GPC6: variants seen among roughly 807,000 people sequenced by gnomAD.
GPC6 encodes the protein glypican 6.
GPC6 carries 14 observed loss-of-function variants against 55.2 expected under a neutral mutation model. That is an observed-to-expected ratio of 0.25 (90% CI 0.17 to 0.40). The LOEUF (loss-of-function observed/expected upper bound fraction) is 0.40, where lower values mean the gene tolerates loss of function less well. Ranked by LOEUF, GPC6 falls within the 10% of genes least tolerant of loss-of-function variation. The pLI, the probability that GPC6 is intolerant of heterozygous loss-of-function variation, is 1.00. For synonymous variants in GPC6, 278 were observed against 259.6 expected (o/e 1.07, Z -0.68); for missense variants, 641 against 708.5 (o/e 0.90, Z 1.08).
chr13:93,459,059 T>TTTA (rs1275127108), intron 1 of GPC6, among the ~76,000 whole-genome samples: 1 of 152,176 alleles, frequency 6.6e-6, no homozygotes, highest in African/African-American at 2.4e-5. Flanking sequence ...ATATTTGTAT[T>TTTA]TTATTATTAT....
intron 3 of GPC6, among the ~76,000 whole-genome samples, chr13:93,853,422 G>A (rs893104028): frequency 5.9e-5 from 9 of 151,638 alleles, no homozygotes; most frequent in African/African-American, 1.7e-4. Flanking sequence ...AGAGGTTAAA[G>A]TGTAGAACTG....
rs116252094 is a variant in GPC6, at chr13:93,711,404, G to C, written c.320-118750G>C. Reference sequence around the variant, plus strand: ...CAGCACAGCAAGAACCCGCCCCCAAGATTGAATGACCTCCTACTGCCCTCC... The same window carrying C: ...CAGCACAGCAAGAACCCGCCCCCAACATTGAATGACCTCCTACTGCCCTCC... On this transcript the variant is annotated intron_variant, in intron 2 of 8. Coordinates refer to ENST00000377047, the MANE Select transcript of GPC6 (RefSeq NM_005708.5). Among the ~76,000 whole-genome samples the C allele has an allele frequency of 4.1e-3, 627 of 151,762 alleles. 3 individuals carry two copies. Among genetic ancestry groups the C allele is most frequent in the African/African-American group, 0.015 (602 of 41,474 alleles).
At chr13:94,111,509 AAT>A (rs1886248530) in intron 4 of GPC6, among the ~76,000 whole-genome samples, 1 of 125,482 alleles carries the variant, frequency 8.0e-6, no homozygotes, top group East Asian at 2.4e-4. Flanking sequence ...TAATAATAAT[AAT>A]AAACTTCTTA....
At chr13:93,905,793 C>A (rs746129110) in intron 3 of GPC6, among the ~76,000 whole-genome samples, 2 of 151,914 alleles carry the variant, frequency 1.3e-5, no homozygotes, top group Non-Finnish European at 2.9e-5. Flanking sequence ...CATGTTTGGT[C>A]AAGATTGACA....
At chr13:94,227,725 A>G (rs1890601713) in intron 4 of GPC6, among the ~76,000 whole-genome samples, 1 of 152,068 alleles carries the variant, frequency 6.6e-6, no homozygotes, top group South Asian at 2.1e-4. Flanking sequence ...ACAAAGGTTT[A>G]TTTCTCACTC....
intron 2 of GPC6, among the ~76,000 whole-genome samples, chr13:93,677,960 T>G (rs912268656): frequency 4.6e-5 from 7 of 152,172 alleles, no homozygotes; most frequent in Non-Finnish European, 8.8e-5. Flanking sequence ...TTTATCCACA[T>G]GGATTAAAAA....
chr13:93,823,602 T>C (rs1276436888), intron 2 of GPC6, among the ~76,000 whole-genome samples: 1 of 152,212 alleles, frequency 6.6e-6, no homozygotes, highest in African/African-American at 2.4e-5. Flanking sequence ...AATCCACTTT[T>C]GTCTCCAGTT....
chr13:93,328,285 G>A (rs1313701867), intron 1 of GPC6, among the ~76,000 whole-genome samples: 2 of 152,094 alleles, frequency 1.3e-5, no homozygotes, highest in Non-Finnish European at 2.9e-5. Flanking sequence ...GAATATATGT[G>A]TATGTGTGTG....
intron 3 of GPC6, among the ~76,000 whole-genome samples, chr13:93,966,211 A>C (rs1313034081): frequency 6.6e-6 from 1 of 152,176 alleles, no homozygotes; most frequent in African/African-American, 2.4e-5. Flanking sequence ...CAGGCAGGCA[A>C]ACCTGCTTAC....
In GPC6 at chr13:93,327,425, C is replaced by T. The variant is rs868559241; in HGVS notation, c.160+99809C>T. 2.0e-4 allele frequency among the ~76,000 whole-genome samples: 30 copies of T among 152,154 alleles called. 1 individual carries two copies. The Middle Eastern group carries it at 0.034, about 173-fold the overall frequency. ...TTAGTTGGGTTTGCAGTTTTATTTC[C>T]TTTTACACTTGTTCATTGACTCTAC... On this transcript the variant is annotated intron_variant, in intron 1 of 8. Transcript: ENST00000377047.
chr13:93,241,585 A>C (rs954999236), intron 1 of GPC6, among the ~76,000 whole-genome samples: 1 of 151,866 alleles, frequency 6.6e-6, no homozygotes, highest in Non-Finnish European at 1.5e-5. Context: ...TGATTTCTTT[A>C]TGTTGGTTTT....
At chr13:93,583,444 G>T (rs1336697588) in intron 2 of GPC6, among the ~76,000 whole-genome samples, 1 of 151,794 alleles carries the variant, frequency 6.6e-6, no homozygotes, top group African/African-American at 2.4e-5. Context: ...TTGAGACAGA[G>T]TTTCATTTTT....
intron 5 of GPC6, among the ~76,000 whole-genome samples, chr13:94,300,171 A>T (rs1170910252): frequency 6.6e-6 from 1 of 152,288 alleles, no homozygotes; most frequent in Admixed American, 6.5e-5. Context: ...TAAAAACCAC[A>T]GGAGCCGAGA....
At chr13:93,786,532 C>T (rs750343891) in intron 2 of GPC6, among the ~76,000 whole-genome samples, 1 of 150,980 alleles carries the variant, frequency 6.6e-6, no homozygotes, top group Non-Finnish European at 1.5e-5. Flanking sequence ...GCTATTAGGA[C>T]ATACACAGCT....
chr13:94,281,395 G>C (rs1269549366), intron 4 of GPC6, among the ~76,000 whole-genome samples: 2 of 151,956 alleles, frequency 1.3e-5, no homozygotes, highest in African/African-American at 2.4e-5. Context: ...TCTCCTCCCT[G>C]TGTCCATGTG....
intron 2 of GPC6, among the ~76,000 whole-genome samples, chr13:93,797,464 A>G (rs1221168529): frequency 6.6e-6 from 1 of 152,192 alleles, no homozygotes; most frequent in Admixed American, 6.5e-5. Flanking sequence ...ATAATTTGAG[A>G]GGCTTGGAAG....
In GPC6 at chr13:93,499,908, G is replaced by T. The variant is rs549554448; in HGVS notation, c.161-45355G>T. 2.1e-4 allele frequency among the ~76,000 whole-genome samples: 32 copies of T among 152,222 alleles called. 1 individual carries two copies. The highest frequency in any genetic ancestry group is 7.5e-4 in the African/African-American group (31 of 41,536). On this transcript the variant is annotated intron_variant, in intron 1 of 8. Transcript: ENST00000377047. The stretch of plus-strand genomic sequence containing the variant: ...ATTGTAACTGCTTTTAAATTTCAAG[G>T]TATGCCTTAGGATGAGTGTCTGTGG...
At chr13:93,443,633 T>A (rs1440429529) in intron 1 of GPC6, among the ~76,000 whole-genome samples, 1 of 152,126 alleles carries the variant, frequency 6.6e-6, no homozygotes, top group Non-Finnish European at 1.5e-5. Flanking sequence ...AGAGTGAAAT[T>A]TTTTCGTGGT....
chr13:93,569,964 C>A (rs9584134), intron 2 of GPC6, among the ~76,000 whole-genome samples: 1 of 152,050 alleles, frequency 6.6e-6, no homozygotes, highest in Non-Finnish European at 1.5e-5. Flanking sequence ...TTAATTGAAT[C>A]GGTCATTACT....
Sources: allele counts gnomAD v4.1 joint callset (sites outside exome capture counted in the v4.1 genomes callset), GRCh38; gene constraint gnomAD v4.1.1; transcripts MANE v1.5; gene names NCBI Gene and HGNC (gene_info 2026-07-23, HGNC 2026-07-21).